CYRIB: variants seen among roughly 807,000 people sequenced by gnomAD.
The protein encoded by CYRIB is CYFIP-related Rac1 interactor B.
Under a neutral mutation model 44.2 loss-of-function variants are expected in CYRIB, and 8 were observed. That is an observed-to-expected ratio of 0.18 (90% CI 0.11 to 0.33). The LOEUF is 0.33. Among genes scored for constraint, CYRIB ranks in the 10% least tolerant of loss-of-function variants. The pLI is 1.00. For missense variants in CYRIB, 185 were observed against 382.8 expected (o/e 0.48, Z 4.31); for synonymous variants, 131 against 127.2 (o/e 1.03, Z -0.20).
At chr8:129,853,731 G>A (rs1412079818) in intron 7 of CYRIB, among the ~76,000 whole-genome samples, 3 of 152,190 alleles carry the variant, frequency 2.0e-5, no homozygotes, top group Admixed American at 2.0e-4. Flanking sequence ...CAGAAGAAAT[G>A]CTATACTAGC....
At chr8:129,890,961 A>C (rs1588811130) in intron 2 of CYRIB, among the ~76,000 whole-genome samples, 2 of 152,292 alleles carry the variant, frequency 1.3e-5, no homozygotes, top group Admixed American at 1.3e-4. Context: ...AAAGCAAGCA[A>C]TGTCACCAAA....
At chr8:129,936,028 G>A (rs565307026) in intron 1 of CYRIB, among the ~76,000 whole-genome samples, 1 of 152,314 alleles carries the variant, frequency 6.6e-6, no homozygotes, top group South Asian at 2.1e-4. Flanking sequence ...AGCTATAGCT[G>A]TCAATCCTGT....
chr8:129,938,116 T>A (rs911512352), intron 1 of CYRIB, among the ~76,000 whole-genome samples: 5 of 151,662 alleles, frequency 3.3e-5, no homozygotes, highest in African/African-American at 1.2e-4. Context: ...GATATGAAAG[T>A]CACATGAAAA....
intron 2 of CYRIB, among the ~76,000 whole-genome samples, chr8:129,893,537 T>TA (rs999971509): frequency 7.9e-5 from 12 of 151,354 alleles, no homozygotes; most frequent in South Asian, 2.1e-4. Context: ...ACATAAAGTA[T>TA]AAAAAAAAAT....
intron 1 of CYRIB, among the ~76,000 whole-genome samples, chr8:129,985,823 C>A (rs1298632038): frequency 1.3e-5 from 2 of 152,184 alleles, no homozygotes; most frequent in African/African-American, 4.8e-5. Flanking sequence ...AAAAGGCCCA[C>A]TGAAAAGCCC....
chr8:130,001,525 C>CCTT (rs2096906973), intron 1 of CYRIB, among the ~76,000 whole-genome samples: 1 of 120,348 alleles, frequency 8.3e-6, no homozygotes, highest in Non-Finnish European at 1.7e-5. Flanking sequence ...AAAATAATTT[C>CCTT]TTTTTTTTTT....
intron 2 of CYRIB, among the ~76,000 whole-genome samples, chr8:129,893,459 G>C (rs1006459731): frequency 1.3e-5 from 2 of 152,118 alleles, no homozygotes; most frequent in Non-Finnish European, 2.9e-5. Context: ...GTAAATAAAA[G>C]CTTCCCAGAA....
chr8:129,959,059 C>CAA lies in CYRIB; in HGVS notation c.-243+11882_-243+11883dup, dbSNP rs60576774. 4.9e-3 allele frequency among the ~76,000 whole-genome samples: 336 copies of CAA among 67,904 alleles called. 2 individuals carry two copies. The highest frequency in any genetic ancestry group is 7.2e-3 in the Non-Finnish European group (233 of 32,348). The allele number at this position is 67,904 out of a possible 152,430, so 44.5% of individuals were successfully genotyped here. A position where few individuals can be genotyped will look rare whatever the true frequency, so the allele number is the denominator to read the frequency against. ...AGCCTGGGCAACAGAGACTCTGTCT[C>CAA]AAAAAAAAAAAAAAAAAAAAAAAAA... is the stretch of plus-strand genomic sequence containing the variant. On this transcript the variant is annotated intron_variant, in intron 2 of 14. Coordinates refer to the CYRIB transcript ENST00000401979.
chr8:130,006,887 C>A (rs2097114253), intron 1 of CYRIB, among the ~76,000 whole-genome samples: 1 of 151,276 alleles, frequency 6.6e-6, no homozygotes, highest in Non-Finnish European at 1.5e-5. Context: ...GACCAGCATC[C>A]AAACATTGAA....
chr8:129,877,852 A>G (rs536249191), intron 3 of CYRIB, among the ~76,000 whole-genome samples: 109 of 152,310 alleles, frequency 7.2e-4, no homozygotes, highest in Middle Eastern at 3.4e-3. Flanking sequence ...CTTGACTATC[A>G]AAGTCAAGAT....
chr8:129,970,334 G>A (rs1020227350), intron 2 of CYRIB, among the ~76,000 whole-genome samples: 2 of 152,096 alleles, frequency 1.3e-5, no homozygotes, highest in Non-Finnish European at 2.9e-5. Context: ...ACAGACAGAG[G>A]GCACCCAGGC....
chr8:129,924,109 CA>C (rs3076956), intron 1 of CYRIB, among the ~76,000 whole-genome samples: 63,417 of 115,660 alleles, frequency 0.55, 17,650 homozygotes, highest in African/African-American at 0.77. Flanking sequence ...ATCTCCACCC[CA>C]AAAAAAAAAA....
In CYRIB at chr8:129,846,210, T is replaced by C. The variant is rs117571051; in HGVS notation, c.911+594A>G. Among the ~76,000 whole-genome samples the C allele has an allele frequency of 1.7e-3, 262 of 152,290 alleles. 1 individual carries two copies. The highest frequency in any genetic ancestry group is 3.4e-3 in the Middle Eastern group (1 of 294). On this transcript the variant is annotated intron_variant, in intron 11 of 11. Coordinates refer to ENST00000519824, the Ensembl canonical transcript of CYRIB. ...GTAAAACTAATCTAAGAAAAGACAT[T>C]AAATAATGACTACTTAATTTTTATT...
In CYRIB at chr8:129,880,970, CATAAA is replaced by C. The variant is rs568593034; in HGVS notation, c.-10-1504_-10-1500del. Reference sequence around the variant, plus strand: ...ACCCATCTAAAAAAACTTTACCACACATAAAATGTTTTTGATATCTTCTGTCTCCT... The same window carrying C: ...ACCCATCTAAAAAAACTTTACCACACATGTTTTTGATATCTTCTGTCTCCT... On this transcript the variant is annotated intron_variant, in intron 2 of 11. Transcript: ENST00000519824. 1.9e-3 allele frequency among the ~76,000 whole-genome samples: 296 copies of C among 152,250 alleles called. 1 individual carries two copies. Among genetic ancestry groups the C allele is most frequent in the African/African-American group, 7.0e-3 (289 of 41,558 alleles).
At chr8:129,860,889 G>A (rs2049048434) in intron 5 of CYRIB, among the ~76,000 whole-genome samples, 1 of 150,036 alleles carries the variant, frequency 6.7e-6, no homozygotes, top group African/African-American at 2.4e-5. Context: ...AAACCATACA[G>A]TGACCAAGTG....
intron 1 of CYRIB, among the ~76,000 whole-genome samples, chr8:130,015,301 T>C (rs956490731): frequency 3.3e-5 from 5 of 152,206 alleles, no homozygotes; most frequent in African/African-American, 7.2e-5. Flanking sequence ...TTCTAGGTGC[T>C]GGGGATGCAG....
At chr8:129,927,195 G>A (rs1362223332) in intron 1 of CYRIB, among the ~76,000 whole-genome samples, 1 of 152,152 alleles carries the variant, frequency 6.6e-6, no homozygotes, top group African/African-American at 2.4e-5. Flanking sequence ...GGGAGGCTGA[G>A]GCAGGAGAAT....
chr8:129,998,847 G>A (rs987154142), intron 1 of CYRIB, among the ~76,000 whole-genome samples: 2 of 152,118 alleles, frequency 1.3e-5, no homozygotes, highest in African/African-American at 2.4e-5. Context: ...GGCCAAGGTG[G>A]TCTCGAACTC....
chr8:129,996,877 G>A (rs2096779599), intron 1 of CYRIB, among the ~76,000 whole-genome samples: 1 of 151,966 alleles, frequency 6.6e-6, no homozygotes. Context: ...TCCTAACGAT[G>A]GAATGGCAGG....
Sources: allele counts gnomAD v4.1 joint callset (sites outside exome capture counted in the v4.1 genomes callset), GRCh38; gene constraint gnomAD v4.1.1; transcripts MANE v1.5; gene names NCBI Gene and HGNC (gene_info 2026-07-23, HGNC 2026-07-21).